ZNF444: variants seen among roughly 807,000 people sequenced by gnomAD.
ZNF444 encodes the protein endothelial zinc finger protein 2.
A neutral mutation model predicts 14.4 loss-of-function variants in ZNF444; 8 were observed. That is an observed-to-expected ratio of 0.56 (90% CI 0.33 to 1.00). ZNF444 has a LOEUF of 1.00. Ranked by LOEUF, ZNF444 falls within the 50% of genes least tolerant of loss-of-function variation. The pLI is 0.03. For missense variants in ZNF444, 510 were observed against 504.8 expected (o/e 1.01, Z -0.10); for synonymous variants, 258 against 235.9 (o/e 1.09, Z -0.86).
chr19:56,145,296 G>A lies in ZNF444; in HGVS notation c.-196-951G>A, dbSNP rs1009778762. Among the ~76,000 whole-genome samples, 11 of 152,160 alleles carry A rather than the reference G, an allele frequency of 7.2e-5. No individual in the cohort carries two copies. The highest frequency in any genetic ancestry group is 1.2e-4 in the Non-Finnish European group (8 of 68,036). ...GTATTTATTAATGCATTTAAAAATG[G>A]CAATCACGGCTGGGCGTGGTGGCTC... is the stretch of plus-strand genomic sequence containing the variant. On this transcript the variant is annotated intron_variant, in intron 1 of 4. Transcript: ENST00000337080. The surrounding 1 kb of genome is among the most constrained non-coding windows in gnomAD (Gnocchi z 4.3).
At chr19:56,156,162 G>T (rs1483055725) in intron 3 of ZNF444, 1 of 152,282 alleles carries the variant, frequency 6.6e-6, no homozygotes, top group Non-Finnish European at 1.5e-5. Flanking sequence ...GGTCTGGAAG[G>T]GTTCCGAGCG....
At chr19:56,158,266 C>T (rs2032028184) in intron 3 of ZNF444, 1 of 465,530 alleles carries the variant, frequency 2.1e-6, no homozygotes, top group Non-Finnish European at 3.8e-6. Context: ...GCCAGGCTGT[C>T]ATCTGAAGGT....
chr19:56,160,241 C>A lies in ZNF444; in HGVS notation c.*40C>A. On this transcript the variant is annotated 3_prime_UTR_variant, in exon 5 of 5. Transcript: ENST00000337080. ...GCGCCATCTCCCGCCCTTGGTGCTG[C>A]CCCCGGGCGGTACCTGCTCTCTCCC... 2 of 1,384,858 alleles carry A rather than the reference C, an allele frequency of 1.4e-6. No homozygotes were observed. The highest frequency in any genetic ancestry group is 1.9e-6 in the Non-Finnish European group (2 of 1,075,164). 85.8% of individuals were successfully genotyped at this position (1,384,858 alleles called of 1,614,324 possible). A position where few individuals can be genotyped will look rare whatever the true frequency, so the allele number is the denominator to read the frequency against.
In ZNF444 at chr19:56,147,342, C is replaced by A; in HGVS notation, c.297+134C>A. ...CGCGGTGGGGAGGCTGCGGTACAGG[C>A]TGCGGTACAGCGTGGAGGGACAGTC... On this transcript the variant is annotated intron_variant, in intron 3 of 4. Coordinates refer to ENST00000337080, the MANE Select transcript of ZNF444 (RefSeq NM_018337.4). This position sits in a 1 kb window ranked among gnomAD's most constrained non-coding sequence, Gnocchi z 5.9. 1 of 1,070,534 alleles carries A rather than the reference C, an allele frequency of 9.3e-7. No homozygotes were observed. Among genetic ancestry groups the A allele is most frequent in the Non-Finnish European group, 1.3e-6 (1 of 796,694 alleles). 66.3% of individuals were successfully genotyped at this position (1,070,534 alleles called of 1,614,324 possible).
At chr19:56,159,474 C>T (rs2032130413) in intron 4 of ZNF444, 150 bp from the exon 5 acceptor site, 1 of 616,298 alleles carries the variant, frequency 1.6e-6, no homozygotes, top group Non-Finnish European at 2.6e-6. Flanking sequence ...TACCGGGACA[C>T]AGGTATGAAT....
chr19:56,150,631 G>C (rs931854787), intron 3 of ZNF444: 1 of 454,450 alleles, frequency 2.2e-6, no homozygotes, highest in Non-Finnish European at 4.4e-6. Flanking sequence ...GATACAACAT[G>C]GTCTTAAGTC....
chr19:56,148,790 G>C (rs1252438940), intron 3 of ZNF444, among the ~76,000 whole-genome samples: 1 of 152,154 alleles, frequency 6.6e-6, no homozygotes, highest in Non-Finnish European at 1.5e-5. Context: ...TACAGTTCTG[G>C]AGGTCAGAAG....
chr19:56,159,108 CCATCCATCACCCATCCGTCCATCTAGT>C (rs1370818650), intron 4 of ZNF444, among the ~76,000 whole-genome samples: 4 of 151,748 alleles, frequency 2.6e-5, no homozygotes, highest in Non-Finnish European at 5.9e-5. Context: ...CATCATCTAC[CCATCCATCACCCATCCGTCCATCTAGT>C]CATCCACCCA....
At chr19:56,136,844 C>T (rs939741348), upstream of ZNF444, among the ~76,000 whole-genome samples, 11 of 152,070 alleles carry the variant, frequency 7.2e-5, no homozygotes, top group Middle Eastern at 3.4e-3. Context: ...TGCAATGGCA[C>T]GATCTTGGCT....
chr19:56,156,981 T>C (rs901423196), intron 3 of ZNF444: 9 of 152,290 alleles, frequency 5.9e-5, no homozygotes, highest in African/African-American at 2.2e-4. Flanking sequence ...GAGAACCGTC[T>C]GCTGGCACGG....
Position 56,159,729 on chromosome 19 carries a change from C to T in ZNF444, c.512C>T (p.Ala171Val). 6.3e-7 allele frequency: 1 copy of T among 1,575,626 alleles called. No individual in the cohort carries two copies. Among genetic ancestry groups the T allele is most frequent in the Non-Finnish European group, 8.6e-7 (1 of 1,165,210 alleles). Residue 171 changes from alanine (A) to valine (V), a missense_variant, in exon 5 of 5, where the codon GCC becomes GTC. Transcript: ENST00000337080. ...SSPPLAPGLP[A>V]FLAAPGTTSC... The stretch of plus-strand genomic sequence containing the variant: ...CCCCCGCTGGCGCCTGGCCTGCCCG[C>T]CTTCCTAGCGGCCCCGGGCACCACG...
chr19:56,147,145 C>A lies in ZNF444; in HGVS notation c.234C>A (p.Ala78=). Residue 78 remains alanine (A), a synonymous_variant, in exon 3 of 5, where the codon GCC becomes GCA. Transcript: ENST00000337080. This position sits in a 1 kb window ranked among gnomAD's most constrained non-coding sequence, Gnocchi z 5.9. Reference sequence around the variant, plus strand: ...GCGCGCTGCCCGCCGACACGCAGGCCTGGGTGTGCAGCCGGCAGCCGCAGA... The same window carrying A: ...GCGCGCTGCCCGCCGACACGCAGGCATGGGTGTGCAGCCGGCAGCCGCAGA... ...FLSALPADTQ[A]WVCSRQPQSG... 1 of 1,533,374 alleles carries A rather than the reference C, an allele frequency of 6.5e-7. No homozygotes were observed. The highest frequency in any genetic ancestry group is 8.7e-7 in the Non-Finnish European group (1 of 1,146,068). 95.0% of individuals were successfully genotyped at this position (1,533,374 alleles called of 1,614,324 possible).
chr19:56,157,246 G>A (rs1404086498), intron 3 of ZNF444: 1 of 152,434 alleles, frequency 6.6e-6, no homozygotes, highest in Non-Finnish European at 1.5e-5. Context: ...CTAGGATCTA[G>A]TCAGCGTTGT....
upstream of ZNF444, among the ~76,000 whole-genome samples, chr19:56,140,514 G>C (rs1049325284): frequency 4.6e-5 from 7 of 152,164 alleles, no homozygotes; most frequent in Non-Finnish European, 8.8e-5. Flanking sequence ...TGAGGCTAAA[G>C]AGAGGGCGGT....
Position 56,144,233 on chromosome 19 carries a change from C to T in ZNF444, c.-196-2014C>T, listed in dbSNP as rs1315632367. ...CTGAGCCAGGAGGATGGTTTGAGCCCAGGAGGTCGGGGCTGCAATGAGCCG... is the reference window on the plus strand; with the variant it reads ...CTGAGCCAGGAGGATGGTTTGAGCCTAGGAGGTCGGGGCTGCAATGAGCCG... On this transcript the variant is annotated intron_variant, in intron 1 of 4. Coordinates refer to ENST00000337080, the MANE Select transcript of ZNF444 (RefSeq NM_018337.4). This position sits in a 1 kb window ranked among gnomAD's most constrained non-coding sequence, Gnocchi z 4.0. Among the ~76,000 whole-genome samples the T allele has an allele frequency of 1.3e-5, 2 of 151,928 alleles. No individual in the cohort carries two copies. Among genetic ancestry groups the T allele is most frequent in the Non-Finnish European group, 2.9e-5 (2 of 67,982 alleles).
At chr19:56,149,326 ACTC>A (rs1247416397) in intron 3 of ZNF444, among the ~76,000 whole-genome samples, 2 of 82,312 alleles carry the variant, frequency 2.4e-5, no homozygotes, top group Non-Finnish European at 4.8e-5. Context: ...ATCCCCCATC[ACTC>A]CTCTGACCTT....
Position 56,145,736 on chromosome 19 carries a change from C to G in ZNF444, c.-196-511C>G, listed in dbSNP as rs1461195749. 2.6e-5 allele frequency among the ~76,000 whole-genome samples: 4 copies of G among 152,240 alleles called. No individual in the cohort carries two copies. The highest frequency in any genetic ancestry group is 7.2e-5 in the African/African-American group (3 of 41,464). On this transcript the variant is annotated intron_variant, in intron 1 of 4. Coordinates refer to ENST00000337080, the MANE Select transcript of ZNF444 (RefSeq NM_018337.4). This position sits in a 1 kb window ranked among gnomAD's most constrained non-coding sequence, Gnocchi z 4.3. ...TGCTGGCACCCAGATCGCAAATTCC[C>G]AGCGGAAGGGACTGGGACAGGCCGT...
In ZNF444 at chr19:56,147,574, C is replaced by T. The variant is rs1444325835; in HGVS notation, c.297+366C>T. ...GTCCTCTCCCCGCACCCCGCCCGCA[C>T]GCAGGGGGTCTTGCCGGCCAGGAAT... On this transcript the variant is annotated intron_variant, in intron 3 of 4. Coordinates refer to ENST00000337080, the MANE Select transcript of ZNF444 (RefSeq NM_018337.4). This position sits in a 1 kb window ranked among gnomAD's most constrained non-coding sequence, Gnocchi z 5.9. Among the ~76,000 whole-genome samples, 1 of 152,154 alleles carries T rather than the reference C, an allele frequency of 6.6e-6. No homozygotes were observed. The highest frequency in any genetic ancestry group is 1.5e-5 in the Non-Finnish European group (1 of 68,016).
chr19:56,160,250 G>C lies in ZNF444; in HGVS notation c.*49G>C, dbSNP rs1428310127. The C allele has an allele frequency of 1.5e-6, 2 of 1,369,010 alleles. No individual in the cohort carries two copies. The highest frequency in any genetic ancestry group is 1.5e-5 in the African/African-American group (1 of 64,824). 84.8% of individuals were successfully genotyped at this position (1,369,010 alleles called of 1,614,324 possible). A position where few individuals can be genotyped will look rare whatever the true frequency, so the allele number is the denominator to read the frequency against. ...CCCGCCCTTGGTGCTGCCCCCGGGC[G>C]GTACCTGCTCTCTCCCAGCGCCACT... On this transcript the variant is annotated 3_prime_UTR_variant, in exon 5 of 5. Transcript: ENST00000337080.
Sources: allele counts gnomAD v4.1 joint callset (sites outside exome capture counted in the v4.1 genomes callset), GRCh38; gene constraint gnomAD v4.1.1; non-coding constraint Gnocchi (gnomAD v3.1); transcripts MANE v1.5; gene names NCBI Gene and HGNC (gene_info 2026-07-23, HGNC 2026-07-21).